The following ZNF512 variants were observed in gnomAD, a reference collection of about 807,000 sequenced individuals.
ZNF512 encodes the protein zinc finger protein 512.
Under a neutral mutation model 77.5 loss-of-function variants are expected in ZNF512, and 25 were observed. That is an observed-to-expected ratio of 0.32 (90% CI 0.23 to 0.45). The LOEUF (loss-of-function observed/expected upper bound fraction) is 0.45. Ranked by LOEUF, ZNF512 falls within the 20% of genes least tolerant of loss-of-function variation. ZNF512 has a pLI of 1.00. For synonymous variants in ZNF512, 246 were observed against 239.9 expected, an observed-to-expected ratio of 1.03 and a Z score of -0.24; for missense variants, 483 against 692.6, an observed-to-expected ratio of 0.70 and a Z score of 3.40.
intron 10 of ZNF512, among the ~76,000 whole-genome samples, chr2:27,609,094 G>A (rs1247350003): frequency 2.0e-5 from 3 of 149,840 alleles, no homozygotes; most frequent in Non-Finnish European, 4.4e-5. Flanking sequence ...GGGTGACAGA[G>A]TGAGACTCTG....
At chr2:27,602,622 T>C (rs747089352) in intron 8 of ZNF512, 61 bp downstream of exon 8, 638 of 1,404,632 alleles carry the variant, frequency 4.5e-4, no homozygotes, top group Non-Finnish European at 5.8e-4. Flanking sequence ...TCTTTCGTTC[T>C]TCTTTCCATT....
At chr2:27,586,318 C>T (rs1409031068) in intron 2 of ZNF512, among the ~76,000 whole-genome samples, 1 of 152,072 alleles carries the variant, frequency 6.6e-6, no homozygotes, top group Non-Finnish European at 1.5e-5. Flanking sequence ...CAACCTCCAC[C>T]TCCTGGGTTC....
Position 27,587,433 on chromosome 2 carries a change from C to T in ZNF512, c.89+3717C>T, listed in dbSNP as rs563342020. Reference sequence around the variant, plus strand: ...CTGGGATTACCGGTGTGCATCACCACGCCTGACTAATTTTGGTATTTTTAG... The same window carrying T: ...CTGGGATTACCGGTGTGCATCACCATGCCTGACTAATTTTGGTATTTTTAG... On this transcript the variant is annotated intron_variant, in intron 2 of 13. Coordinates refer to ENST00000355467, the MANE Select transcript of ZNF512 (RefSeq NM_032434.4). 1.2e-4 allele frequency among the ~76,000 whole-genome samples: 18 copies of T among 151,920 alleles called. No homozygotes were observed. In the South Asian group the frequency reaches 1.9e-3, roughly 16 times the overall value.
chr2:27,617,908 A>AG (rs1672952812), intron 13 of ZNF512, among the ~76,000 whole-genome samples: 1 of 150,814 alleles, frequency 6.6e-6, no homozygotes, highest in South Asian at 2.1e-4. Context: ...CCTGACTCAA[A>AG]AAAAAAAAAA....
Position 27,596,746 on chromosome 2 carries a change from G to A in ZNF512, c.90-1321G>A, listed in dbSNP as rs141940719. ...TTCTGTGTATTAAATTTGTGTTATT[G>A]GACCTCATGTGTGGAGAGCCGAAAC... On this transcript the variant is annotated intron_variant, in intron 2 of 13. Transcript: ENST00000355467. 5.1e-3 allele frequency among the ~76,000 whole-genome samples: 777 copies of A among 152,258 alleles called. 12 individuals carry two copies. The highest frequency in any genetic ancestry group is 0.018 in the African/African-American group (735 of 41,554).
rs187693519 is a variant in ZNF512, at chr2:27,622,051, A to G, written c.*590A>G. 4 of 155,170 alleles carry G rather than the reference A, an allele frequency of 2.6e-5. No homozygotes were observed. The highest frequency in any genetic ancestry group is 4.3e-5 in the Non-Finnish European group (3 of 69,724). The allele number at this position is 155,170 out of a possible 1,614,324, so 9.6% of individuals were successfully genotyped here. On this transcript the variant is annotated 3_prime_UTR_variant, in exon 14 of 14. Transcript: ENST00000355467. Reference sequence around the variant, plus strand: ...AAAACGGATTTAGGATGAAAACTCTAGAACTACCCTATGCTGTTTATACTG... The same window carrying G: ...AAAACGGATTTAGGATGAAAACTCTGGAACTACCCTATGCTGTTTATACTG...
chr2:27,610,544 G>GTGTGTGCA (rs1413007886), intron 10 of ZNF512, among the ~76,000 whole-genome samples: 2 of 32,660 alleles, frequency 6.1e-5, no homozygotes, highest in African/African-American at 2.9e-4. Context: ...ATATGTGTGT[G>GTGTGTGCA]TATATATATA....
chr2:27,596,552 A>C (rs1040623041), intron 2 of ZNF512, among the ~76,000 whole-genome samples: 1 of 152,200 alleles, frequency 6.6e-6, no homozygotes, highest in African/African-American at 2.4e-5. Flanking sequence ...CCTCATTGCA[A>C]ATTCTTACTT....
rs77186477 is a variant in ZNF512, at chr2:27,616,143, G to C, written c.1234-119G>C. On this transcript the variant is annotated intron_variant, in intron 11 of 13. Coordinates refer to ENST00000355467, the MANE Select transcript of ZNF512 (RefSeq NM_032434.4). The stretch of plus-strand genomic sequence containing the variant: ...TGTATATTCTTTTTTCGTTTGTTTT[G>C]TGGCACAAATTATTGGTTTTCTTCC... 8.8e-3 allele frequency: 5,692 copies of C among 649,180 alleles called. 243 individuals carry two copies. The African/African-American group carries it at 0.095, about 11-fold the overall frequency. 40.2% of individuals were successfully genotyped at this position (649,180 alleles called of 1,614,324 possible). A position where few individuals can be genotyped will look rare whatever the true frequency, so the allele number is the denominator to read the frequency against.
In ZNF512 at chr2:27,601,418, T is replaced by C. The variant is rs1236838819; in HGVS notation, c.645T>C (p.His215=). ...GTTCACTGGCAGGGATGAAGTATCA[T>C]GTCATGGCAAATCATAATAGTTTGG... ...QLRSLAGMKY[H]VMANHNSLPI... is the part of the protein sequence containing the mutation. Residue 215 remains histidine (H), a synonymous_variant, in exon 7 of 14, where the codon CAT becomes CAC. Coordinates refer to ENST00000355467, the MANE Select transcript of ZNF512 (RefSeq NM_032434.4). 6.2e-7 allele frequency: 1 copy of C among 1,614,038 alleles called. No individual in the cohort carries two copies. The highest frequency in any genetic ancestry group is 8.5e-7 in the Non-Finnish European group (1 of 1,179,954).
chr2:27,596,422 C>T (rs1671874389), intron 2 of ZNF512, among the ~76,000 whole-genome samples: 1 of 152,152 alleles, frequency 6.6e-6, no homozygotes, highest in East Asian at 1.9e-4. Context: ...TCTAGCATTC[C>T]TCCCACCCCC....
At chr2:27,590,919 G>A (rs1488223389) in intron 2 of ZNF512, among the ~76,000 whole-genome samples, 2 of 152,160 alleles carry the variant, frequency 1.3e-5, no homozygotes, top group Non-Finnish European at 2.9e-5. Flanking sequence ...ATTTCATATG[G>A]AGCAGGTCTG....
chr2:27,603,039 A>C lies in ZNF512; in HGVS notation c.769-101A>C. The C allele has an allele frequency of 3.0e-6, 4 of 1,350,204 alleles. No individual in the cohort carries two copies. In the South Asian group the frequency reaches 5.3e-5, roughly 18 times the overall value. The allele number at this position is 1,350,204 out of a possible 1,614,324, so 83.6% of individuals were successfully genotyped here. ...AGGGTCTACTGAAATCAGAGGGTCT[A>C]TTTGTATTTTGTGGTGGTGAATGCT... On this transcript the variant is annotated intron_variant, in intron 8 of 13. Coordinates refer to ENST00000355467, the MANE Select transcript of ZNF512 (RefSeq NM_032434.4).
At chr2:27,600,954 C>A in intron 6 of ZNF512, 139 bp downstream of exon 6, 1 of 1,183,436 alleles carries the variant, frequency 8.4e-7, no homozygotes, top group Non-Finnish European at 1.1e-6. Flanking sequence ...TTGGATCTGA[C>A]AGAGTTAGGT....
chr2:27,619,561 C>CT (rs1673034816), intron 13 of ZNF512, among the ~76,000 whole-genome samples: 1 of 152,014 alleles, frequency 6.6e-6, no homozygotes, highest in Non-Finnish European at 1.5e-5. Context: ...ATTTATGCCT[C>CT]TATGAATTTT....
At chr2:27,602,400 T>G in intron 7 of ZNF512, 63 bp from the exon 8 acceptor site, 1 of 1,513,858 alleles carries the variant, frequency 6.6e-7, no homozygotes, top group South Asian at 1.2e-5. Flanking sequence ...CTCTGATATT[T>G]TTTTTCCCTG....
At chr2:27,590,361 AAT>A (rs1246802801) in intron 2 of ZNF512, among the ~76,000 whole-genome samples, 38 of 152,312 alleles carry the variant, frequency 2.5e-4, no homozygotes, top group African/African-American at 8.9e-4. Flanking sequence ...CTGATATTAA[AAT>A]AGTCATTCCA....
chr2:27,601,433 T>C lies in ZNF512; in HGVS notation c.660T>C (p.His220=). The C allele has an allele frequency of 6.2e-7, 1 of 1,613,254 alleles. No homozygotes were observed. Among genetic ancestry groups the C allele is most frequent in the South Asian group, 1.1e-5 (1 of 90,934 alleles). ...TGAAGTATCATGTCATGGCAAATCA[T>C]AATAGTTTGGTAAGAGTGTCTTCTG... ...AGMKYHVMAN[H]NSLPILKAGD... The change falls in exon 7 of 14, where the codon CAT becomes CAC. Residue 220 remains histidine (H), a synonymous_variant. Transcript: ENST00000355467.
chr2:27,591,577 G>A (rs916980619), intron 2 of ZNF512, among the ~76,000 whole-genome samples: 1 of 152,168 alleles, frequency 6.6e-6, no homozygotes, highest in African/African-American at 2.4e-5. Context: ...ACCACGCCCA[G>A]CTTTTGTATT....
Sources: allele counts gnomAD v4.1 joint callset (sites outside exome capture counted in the v4.1 genomes callset), GRCh38; gene constraint gnomAD v4.1.1; transcripts MANE v1.5; gene names NCBI Gene and HGNC (gene_info 2026-07-23, HGNC 2026-07-21).